The following KDM2B variants were observed in gnomAD, a reference collection of about 807,000 sequenced individuals.
The protein encoded by KDM2B is lysine demethylase 2B.
In KDM2B, 26 loss-of-function variants were observed where a neutral mutation model predicts 150.0. That is an observed-to-expected ratio of 0.17 (90% confidence interval 0.13 to 0.24). The LOEUF (loss-of-function observed/expected upper bound fraction) is 0.24. KDM2B is among the 10% of genes least tolerant of loss of function. The probability of loss-of-function intolerance (pLI) is 1.00; values close to 1 mark genes in which losing one functional copy is unlikely to be tolerated. For missense variants in KDM2B, 1,265 were observed against 1,816.9 expected (o/e 0.70, Z 5.52); for synonymous variants, 734 against 729.5 (o/e 1.01, Z -0.10).
chr12:121,569,012 C>A (rs146218082), intron 4 of KDM2B, among the ~76,000 whole-genome samples: 136 of 152,314 alleles, frequency 8.9e-4, no homozygotes, highest in Non-Finnish European at 1.5e-3. Flanking sequence ...CAAACGGCCA[C>A]GTCCCGTGGT....
In KDM2B at chr12:121,575,877, T is replaced by A. The variant is rs1391901032; in HGVS notation, c.272-18A>T. The A allele has an allele frequency of 6.3e-7, 1 of 1,590,934 alleles. No homozygotes were observed. Among genetic ancestry groups the A allele is most frequent in the Non-Finnish European group, 8.6e-7 (1 of 1,159,056 alleles). ...GTTGAAATCTGTTTGGATATTTGAA[T>A]TAAAACAAGTTGGTTAAGTCACGAA... is the stretch of plus-strand genomic sequence containing the variant. On this transcript the variant is annotated intron_variant, in intron 2 of 22. Coordinates refer to ENST00000377071, the MANE Select transcript of KDM2B (RefSeq NM_032590.5). The surrounding 1 kb of genome is among the most constrained non-coding windows in gnomAD (Gnocchi z 4.4).
chr12:121,423,395 G>A, the KDM2B span: 51 of 1,605,570 alleles, frequency 3.2e-5, no homozygotes, highest in Middle Eastern at 6.6e-4. This position sits in a 1 kb window ranked among gnomAD's most constrained non-coding sequence, Gnocchi z 4.3. Flanking sequence ...GATGGCGAGC[G>A]GCTGCAGCTG....
Position 121,509,741 on chromosome 12 carries a change from G to A in KDM2B, c.1473C>T (p.Pro491=). The stretch of plus-strand genomic sequence containing the variant: ...TGGCGGGAGAGCCGGTGGGGGTCTT[G>A]GGGTAGTCTACGGCCAATGTGGTGG... The part of the protein sequence containing the change: ...VKSTTLAVDY[P]KTPTGSPATE... The change falls in exon 11 of 23, where the codon CCC becomes CCT. Residue 491 remains proline (P), a synonymous_variant. Coordinates refer to ENST00000377071, the MANE Select transcript of KDM2B (RefSeq NM_032590.5). 1 of 1,614,108 alleles carries A rather than the reference G, an allele frequency of 6.2e-7. No individual in the cohort carries two copies. Among genetic ancestry groups the A allele is most frequent in the Non-Finnish European group, 8.5e-7 (1 of 1,180,016 alleles).
chr12:121,566,616 T>C lies in KDM2B; in HGVS notation c.397+7931A>G, dbSNP rs1203834402. Among the ~76,000 whole-genome samples, 4 of 150,990 alleles carry C rather than the reference T, an allele frequency of 2.6e-5. No individual in the cohort carries two copies. In the Admixed American group the frequency reaches 2.6e-4, roughly 10 times the overall value. On this transcript the variant is annotated intron_variant, in intron 4 of 22. Transcript: ENST00000377071. ...AGCCCGGGCGACAAGCGAAATTCTGTCTCAAAAATAAATAAATAAATAAAT... is the reference window on the plus strand; with the variant it reads ...AGCCCGGGCGACAAGCGAAATTCTGCCTCAAAAATAAATAAATAAATAAAT...
intron 6 of KDM2B, among the ~76,000 whole-genome samples, chr12:121,540,646 C>T (rs1466644423): frequency 6.7e-6 from 1 of 149,476 alleles, no homozygotes; most frequent in Non-Finnish European, 1.5e-5. Context: ...CCAGCTAAAT[C>T]GGGAGGCTGA....
chr12:121,576,140 G>C (rs540371674), intron 2 of KDM2B, among the ~76,000 whole-genome samples: 2 of 152,286 alleles, frequency 1.3e-5, no homozygotes, highest in Admixed American at 6.5e-5. Context: ...CCCAAGGCCA[G>C]CGAGGGTTGG....
chr12:121,475,627 C>T (rs1414324284), intron 12 of KDM2B, among the ~76,000 whole-genome samples: 4 of 151,534 alleles, frequency 2.6e-5, no homozygotes, highest in African/African-American at 9.7e-5. Context: ...GGCACAGTGG[C>T]TCATGACTGT....
intron 8 of KDM2B, among the ~76,000 whole-genome samples, chr12:121,527,340 GC>G (rs1389338896): frequency 1.2e-5 from 1 of 84,496 alleles, no homozygotes; most frequent in Non-Finnish European, 2.3e-5. Flanking sequence ...GAGCCACTGT[GC>G]CCAGCCTAAA....
chr12:121,475,827 C>G (rs1032774602), intron 12 of KDM2B, among the ~76,000 whole-genome samples: 1 of 151,998 alleles, frequency 6.6e-6, no homozygotes, highest in Non-Finnish European at 1.5e-5. Context: ...GTTATTTTCT[C>G]TCCAAGAGTT....
chr12:121,538,427 A>G (rs1467068328), intron 6 of KDM2B, among the ~76,000 whole-genome samples: 2 of 152,064 alleles, frequency 1.3e-5, no homozygotes, highest in Non-Finnish European at 2.9e-5. Context: ...CTCTGACCCC[A>G]AGGCCCACGC....
chr12:121,465,499 G>C (rs1879764832), intron 12 of KDM2B, among the ~76,000 whole-genome samples: 1 of 152,194 alleles, frequency 6.6e-6, no homozygotes, highest in Non-Finnish European at 1.5e-5. Context: ...CTCCCAAAGT[G>C]CTGGGATTAC....
the KDM2B span, chr12:121,417,939 G>A: frequency 8.7e-6 from 14 of 1,603,322 alleles, no homozygotes; most frequent in Non-Finnish European, 1.2e-5. The surrounding 1 kb of genome is among the most constrained non-coding windows in gnomAD (Gnocchi z 5.0). Context: ...ATTACACCCA[G>A]GGCCCGGCAC....
the KDM2B span, among the ~76,000 whole-genome samples, chr12:121,412,228 ATC>A: frequency 3.5e-3 from 433 of 124,926 alleles, 13 homozygotes; most frequent in African/African-American, 0.014. Flanking sequence ...TGCCCAACTA[ATC>A]TTTTTTTTTT....
intron 4 of KDM2B, among the ~76,000 whole-genome samples, chr12:121,558,706 C>T (rs1020912114): frequency 7.9e-5 from 12 of 152,236 alleles, no homozygotes; most frequent in East Asian, 3.9e-4. Context: ...TTGCCCGCCT[C>T]GGCCTCCCAA....
At chr12:121,502,772 A>C (rs1331707486) in intron 11 of KDM2B, among the ~76,000 whole-genome samples, 4 of 144,114 alleles carry the variant, frequency 2.8e-5, no homozygotes, top group Admixed American at 1.3e-4. Context: ...AAAAAAAAAA[A>C]AAAAAAAAAA....
intron 12 of KDM2B, among the ~76,000 whole-genome samples, chr12:121,489,999 G>A (rs942745074): frequency 1.1e-4 from 17 of 152,274 alleles, no homozygotes; most frequent in African/African-American, 2.9e-4. Context: ...TCATGACTGC[G>A]GGCCGACAGG....
rs2141209338 is a variant in KDM2B, at chr12:121,521,588, C to A, written c.932-488G>T. ...TTGCCAGAGCTGCAGGACCCAAGCA[C>A]TTTCCTCCGCCCAAGTCCATCTTCT... On this transcript the variant is annotated intron_variant, in intron 8 of 22. Transcript: ENST00000377071. The surrounding 1 kb of genome is among the most constrained non-coding windows in gnomAD (Gnocchi z 4.9). Among the ~76,000 whole-genome samples, 1 of 152,312 alleles carries A rather than the reference C, an allele frequency of 6.6e-6. No individual in the cohort carries two copies. The highest frequency in any genetic ancestry group is 1.9e-4 in the East Asian group (1 of 5,186).
At chr12:121,519,603 G>C (rs1886514225) in intron 9 of KDM2B, among the ~76,000 whole-genome samples, 1 of 152,160 alleles carries the variant, frequency 6.6e-6, no homozygotes. Context: ...ATAGAAAATA[G>C]ATTAGGGCTA....
At chr12:121,498,475 C>T (rs1418808473) in intron 11 of KDM2B, among the ~76,000 whole-genome samples, 2 of 152,178 alleles carry the variant, frequency 1.3e-5, no homozygotes, top group African/African-American at 2.4e-5. Flanking sequence ...ATCAAAGATG[C>T]AGAGTTTTAT....
Sources: gnomAD v4.1 joint callset for allele counts (sites outside exome capture counted in the v4.1 genomes callset) on GRCh38, gnomAD v4.1.1 for gene constraint, Gnocchi (gnomAD v3.1) non-coding constraint, MANE v1.5 for transcripts, NCBI Gene and HGNC (gene_info 2026-07-23, HGNC 2026-07-21) for gene names.